Variants in UNC5B observed in about 807,000 individuals in gnomAD.
The protein encoded by UNC5B is netrin receptor UNC5B.
Under a neutral mutation model 103.7 loss-of-function variants are expected in UNC5B, and 56 were observed. The ratio of observed to expected loss-of-function variants is 0.54; its 90% CI spans 0.44 to 0.67. UNC5B has a LOEUF of 0.67. Among genes scored for constraint, UNC5B ranks in the 30% least tolerant of loss-of-function variants. UNC5B has a pLI of 0.00. For missense variants in UNC5B, 1,194 were observed against 1,284.5 expected (o/e 0.93, Z 1.08); for synonymous variants, 577 against 542.0 (o/e 1.06, Z -0.90).
intron 1 of UNC5B, among the ~76,000 whole-genome samples, chr10:71,263,903 G>A (rs1844469085): frequency 6.6e-6 from 1 of 152,182 alleles, no homozygotes; most frequent in African/African-American, 2.4e-5. Flanking sequence ...ACCAAGCATT[G>A]GTGGCTGACA....
At chr10:71,239,936 G>T (rs1843860174) in intron 1 of UNC5B, among the ~76,000 whole-genome samples, 1 of 152,178 alleles carries the variant, frequency 6.6e-6, no homozygotes, top group African/African-American at 2.4e-5. Flanking sequence ...TGAGGGGACT[G>T]GCCTTGGGCT....
At chr10:71,279,287 C>A (rs1356627140) in intron 1 of UNC5B, among the ~76,000 whole-genome samples, 3 of 152,192 alleles carry the variant, frequency 2.0e-5, no homozygotes, top group Non-Finnish European at 4.4e-5. Context: ...TCAGCCGGCT[C>A]ATCCCACCCC....
At chr10:71,261,002 G>C (rs982313869) in intron 1 of UNC5B, among the ~76,000 whole-genome samples, 1 of 152,228 alleles carries the variant, frequency 6.6e-6, no homozygotes, top group East Asian at 1.9e-4. Context: ...CAGAGCAGCC[G>C]GCTGGTTCAC....
intron 1 of UNC5B, among the ~76,000 whole-genome samples, chr10:71,231,565 G>A (rs775307845): frequency 7.2e-5 from 11 of 152,172 alleles, no homozygotes; most frequent in Non-Finnish European, 1.6e-4. Context: ...TAAATGCTCA[G>A]AACGGTGCCC....
At chr10:71,258,840 G>T (rs1844350945) in intron 1 of UNC5B, among the ~76,000 whole-genome samples, 1 of 152,262 alleles carries the variant, frequency 6.6e-6, no homozygotes, top group African/African-American at 2.4e-5. Context: ...TGCCAGATGG[G>T]TAAAGACCCT....
intron 1 of UNC5B, among the ~76,000 whole-genome samples, chr10:71,277,966 G>A (rs752827652): frequency 1.6e-4 from 24 of 152,218 alleles, no homozygotes; most frequent in Non-Finnish European, 2.9e-4. Flanking sequence ...CACCATTACA[G>A]AGCTACGTAG....
intron 1 of UNC5B, among the ~76,000 whole-genome samples, chr10:71,269,352 C>CCCA (rs1554865166): frequency 6.4e-4 from 93 of 145,562 alleles, no homozygotes; most frequent in Admixed American, 3.0e-3. Context: ...GTCCCCCCCC[C>CCCA]ACAACTTCTC....
intron 15 of UNC5B, among the ~76,000 whole-genome samples, chr10:71,297,259 C>CCAAAAAACTTGGCATATACCAAAAA (rs1845466459): frequency 7.9e-5 from 12 of 152,262 alleles, no homozygotes; most frequent in Admixed American, 7.2e-4. Context: ...AAAAAACTTA[C>CCAAAAAACTTGGCATATACCAAAAA]ATGATCTCAC....
intron 6 of UNC5B, among the ~76,000 whole-genome samples, chr10:71,288,098 C>T (rs1335351469): frequency 1.3e-5 from 2 of 152,194 alleles, no homozygotes. Context: ...GCCTCAGGGA[C>T]AGCCTGTTGC....
In UNC5B at chr10:71,292,382, C is replaced by A. The variant is rs1845287137; in HGVS notation, c.1685-85C>A. On this transcript the variant is annotated intron_variant, in intron 10 of 16. Transcript: ENST00000335350. ...CCTGGAGCTCAGGAGATATCTTTCT[C>A]TCCCAGCCCCAAGCTGGGGCCAACT... The A allele has an allele frequency of 4.1e-6, 5 of 1,213,534 alleles. No individual in the cohort carries two copies. In the South Asian group the frequency reaches 6.7e-5, roughly 16 times the overall value. The allele number at this position is 1,213,534 out of a possible 1,614,324, so 75.2% of individuals were successfully genotyped here. A position where few individuals can be genotyped will look rare whatever the true frequency, so the allele number is the denominator to read the frequency against.
At chr10:71,220,769 C>CTA (rs1337813502) in intron 1 of UNC5B, among the ~76,000 whole-genome samples, 1 of 152,196 alleles carries the variant, frequency 6.6e-6, no homozygotes, top group Non-Finnish European at 1.5e-5. Context: ...CGGAGAGAGC[C>CTA]TAGCAATGCA....
intron 1 of UNC5B, among the ~76,000 whole-genome samples, chr10:71,239,513 C>A (rs761348499): frequency 6.6e-6 from 1 of 152,134 alleles, no homozygotes; most frequent in Non-Finnish European, 1.5e-5. Context: ...GCCCTGTTTC[C>A]CCATCACTAA....
intron 1 of UNC5B, among the ~76,000 whole-genome samples, chr10:71,218,656 T>C (rs1843387887): frequency 6.6e-6 from 1 of 152,214 alleles, no homozygotes; most frequent in Non-Finnish European, 1.5e-5. Context: ...CTTGGGCTAC[T>C]GCCCCCAGGA....
chr10:71,295,303 A>G (rs1317685455), intron 13 of UNC5B, among the ~76,000 whole-genome samples: 2 of 152,180 alleles, frequency 1.3e-5, no homozygotes, highest in African/African-American at 4.8e-5. Context: ...AGAAGTTACC[A>G]GGTTTGGGCC....
intron 1 of UNC5B, among the ~76,000 whole-genome samples, chr10:71,276,054 G>A (rs1844763212): frequency 1.3e-5 from 2 of 152,004 alleles, no homozygotes; most frequent in South Asian, 4.1e-4. Flanking sequence ...ATTAGGAATG[G>A]GATAAAAATA....
intron 1 of UNC5B, among the ~76,000 whole-genome samples, chr10:71,258,258 T>C (rs1844337507): frequency 6.6e-6 from 1 of 152,152 alleles, no homozygotes; most frequent in Non-Finnish European, 1.5e-5. Context: ...TGGGGTGCCC[T>C]CAGTCTGGGC....
intron 1 of UNC5B, among the ~76,000 whole-genome samples, chr10:71,228,873 C>T (rs1471473956): frequency 6.6e-6 from 1 of 152,200 alleles, no homozygotes; most frequent in East Asian, 1.9e-4. Context: ...AAGTGACCCA[C>T]CCTAATCTAG....
At chr10:71,216,815 C>CT (rs984985008) in intron 1 of UNC5B, among the ~76,000 whole-genome samples, 4 of 152,114 alleles carry the variant, frequency 2.6e-5, no homozygotes, top group Non-Finnish European at 5.9e-5. Flanking sequence ...TGGGGATGGG[C>CT]TGGGGGGAGA....
intron 1 of UNC5B, among the ~76,000 whole-genome samples, chr10:71,245,085 C>A (rs1843996912): frequency 6.6e-6 from 1 of 152,234 alleles, no homozygotes; most frequent in Non-Finnish European, 1.5e-5. Flanking sequence ...CAATTCTATT[C>A]ACTATTGTCC....
Sources: allele counts gnomAD v4.1 joint callset (sites outside exome capture counted in the v4.1 genomes callset), GRCh38; gene constraint gnomAD v4.1.1; transcripts MANE v1.5; gene names NCBI Gene and HGNC (gene_info 2026-07-23, HGNC 2026-07-21).